Variants in NR1I2 observed in about 807,000 individuals in gnomAD.
NR1I2 encodes orphan nuclear receptor PAR1.
A neutral mutation model predicts 43.3 loss-of-function variants in NR1I2; 42 were observed. The observed-to-expected ratio is 0.97, with a 90% CI of 0.76 to 1.26. The LOEUF is 1.26. Among genes scored for constraint, NR1I2 ranks in the 50% most tolerant of loss-of-function variants. The pLI is 0.00. For synonymous variants in NR1I2, 229 were observed against 215.0 expected (o/e 1.06, Z -0.57); for missense variants, 559 against 566.7 (o/e 0.99, Z 0.14).
Position 119,812,891 on chromosome 3 carries a change from AC to A in NR1I2, c.726del (p.His242GlnfsTer35). 1.2e-6 allele frequency: 2 copies of A among 1,614,108 alleles called. No individual in the cohort carries two copies. The highest frequency in any genetic ancestry group is 1.7e-6 in the Non-Finnish European group (2 of 1,180,034). Reference sequence around the variant, plus strand: ...AAAGAGATCTTCTCCCTGCTGCCCCACATGGCTGACATGTCAACCTACATGT... The same window carrying A: ...AAAGAGATCTTCTCCCTGCTGCCCCAATGGCTGACATGTCAACCTACATGT... On this transcript the variant is annotated frameshift_variant, in exon 5 of 9. Coordinates refer to ENST00000393716, the MANE Select transcript of NR1I2 (RefSeq NM_003889.4). LOFTEE classifies it high-confidence loss of function.
intron 5 of NR1I2, 55 bp from the exon 6 acceptor site, chr3:119,814,924 G>C: frequency 6.2e-7 from 1 of 1,611,584 alleles, no homozygotes; most frequent in Non-Finnish European, 8.5e-7. Flanking sequence ...TGCTGGTGCC[G>C]GTCTGTGGGC....
intron 1 of NR1I2, among the ~76,000 whole-genome samples, chr3:119,803,332 T>TC (rs1469281356): frequency 1.4e-5 from 2 of 138,614 alleles, no homozygotes; most frequent in East Asian, 4.2e-4. Flanking sequence ...TTTCTTTCTT[T>TC]TTTTTTTCTG....
At chr3:119,789,458 G>A (rs1386866212) in intron 1 of NR1I2, among the ~76,000 whole-genome samples, 2 of 152,112 alleles carry the variant, frequency 1.3e-5, no homozygotes, top group African/African-American at 4.8e-5. Flanking sequence ...AGCGAAAGGG[G>A]TTTCCCCTTA....
chr3:119,788,020 T>C (rs1412562479), intron 1 of NR1I2, among the ~76,000 whole-genome samples: 1 of 152,172 alleles, frequency 6.6e-6, no homozygotes, highest in Non-Finnish European at 1.5e-5. Context: ...TTTGACTCAT[T>C]TGAAGACTAA....
At chr3:119,799,457 A>T (rs1212244971) in intron 1 of NR1I2, among the ~76,000 whole-genome samples, 1 of 152,182 alleles carries the variant, frequency 6.6e-6, no homozygotes, top group Non-Finnish European at 1.5e-5. Context: ...TGTGATTTTT[A>T]AAATATTTTC....
At chr3:119,789,043 G>C (rs1246335091) in intron 1 of NR1I2, among the ~76,000 whole-genome samples, 1 of 152,188 alleles carries the variant, frequency 6.6e-6, no homozygotes, top group Non-Finnish European at 1.5e-5. Flanking sequence ...TGATCTGTAT[G>C]TACTTGAAAG....
At chr3:119,794,206 G>GT (rs370438711) in intron 1 of NR1I2, among the ~76,000 whole-genome samples, 39 of 149,878 alleles carry the variant, frequency 2.6e-4, no homozygotes, top group East Asian at 2.4e-3. Flanking sequence ...TTTTTGGGGT[G>GT]TTTTTTTTTG....
intron 2 of NR1I2, 28 bp from the exon 3 acceptor site, chr3:119,810,033 C>G: frequency 6.2e-7 from 1 of 1,613,514 alleles, no homozygotes. Flanking sequence ...CCCGTGCATC[C>G]CCCCTTCTGC....
At chr3:119,812,087 A>G (rs772917434) in intron 4 of NR1I2, among the ~76,000 whole-genome samples, 5 of 152,178 alleles carry the variant, frequency 3.3e-5, no homozygotes, top group Non-Finnish European at 5.9e-5. Flanking sequence ...GGTCTAAGCA[A>G]TAAGTGGAGG....
chr3:119,812,775 G>C lies in NR1I2; in HGVS notation c.609G>C (p.Arg203=), dbSNP rs2055262640. The C allele has an allele frequency of 6.2e-7, 1 of 1,614,102 alleles. No homozygotes were observed. Among genetic ancestry groups the C allele is most frequent in the African/African-American group, 1.3e-5 (1 of 74,944 alleles). Residue 203 remains arginine, a synonymous_variant, in exon 5 of 9, where the codon CGG becomes CGC. Transcript: ENST00000393716. Reference sequence around the variant, plus strand: ...AAGCTGCCAAGTGGAGCCAGGTCCGGAAAGATCTGTGCTCTTTGAAGGTCT... The same window carrying C: ...AAGCTGCCAAGTGGAGCCAGGTCCGCAAAGATCTGTGCTCTTTGAAGGTCT...
chr3:119,783,565 A>G (rs2054806812), intron 1 of NR1I2, among the ~76,000 whole-genome samples: 1 of 152,230 alleles, frequency 6.6e-6, no homozygotes, highest in Non-Finnish European at 1.5e-5. Flanking sequence ...ACTTGTTCCA[A>G]AATTATTATG....
intron 1 of NR1I2, chr3:119,782,919 G>T: frequency 7.6e-7 from 1 of 1,316,322 alleles, no homozygotes; most frequent in Admixed American, 1.7e-5. Context: ...GCCTGCATGT[G>T]GTCAGTGCCA....
Position 119,813,059 on chromosome 3 carries a change from G to T in NR1I2, c.794+99G>T, listed in dbSNP as rs183497664. Reference sequence around the variant, plus strand: ...TAGATCCTGAATTTGGGGGATATTGGTGTCAGAAGACCCTCCTTTTCCTGT... The same window carrying T: ...TAGATCCTGAATTTGGGGGATATTGTTGTCAGAAGACCCTCCTTTTCCTGT... On this transcript the variant is annotated intron_variant, in intron 5 of 8. Coordinates refer to ENST00000393716, the MANE Select transcript of NR1I2 (RefSeq NM_003889.4). The T allele has an allele frequency of 3.8e-6, 5 of 1,324,876 alleles. No homozygotes were observed. In the African/African-American group the frequency reaches 7.2e-5, roughly 19 times the overall value. 82.1% of individuals were successfully genotyped at this position (1,324,876 alleles called of 1,614,324 possible). A position where few individuals can be genotyped will look rare whatever the true frequency, so the allele number is the denominator to read the frequency against.
At chr3:119,809,238 G>A (rs1195744603) in intron 2 of NR1I2, among the ~76,000 whole-genome samples, 3 of 152,134 alleles carry the variant, frequency 2.0e-5, no homozygotes, top group Non-Finnish European at 4.4e-5. Context: ...GGACTGCACT[G>A]ACCGTGTCTT....
chr3:119,798,424 A>G (rs1207543396), intron 1 of NR1I2, among the ~76,000 whole-genome samples: 2 of 152,206 alleles, frequency 1.3e-5, no homozygotes, highest in East Asian at 3.8e-4. Flanking sequence ...TATGTATCAT[A>G]AAGTCTAATC....
At position 119,815,741 on chromosome 3, in the gene NR1I2, T is replaced by C. The variant is rs1441667815; in HGVS notation, c.1070T>C (p.Leu357Pro). The C allele has an allele frequency of 5.0e-6, 8 of 1,613,526 alleles. No homozygotes were observed. The highest frequency in any genetic ancestry group is 4.4e-5 in the South Asian group (4 of 90,816). ...TCCCCTCCAGACCGCCCAGGTGTGCTGCAGCACCGCGTGGTGGACCAGCTG... is the reference window on the plus strand; with the variant it reads ...TCCCCTCCAGACCGCCCAGGTGTGCCGCAGCACCGCGTGGTGGACCAGCTG... Residue 357 changes from leucine (L) to proline (P), a missense_variant, in exon 8 of 9, where the codon CTG becomes CCG. Around this residue, in one of 3 missense-constraint regions of NR1I2, gnomAD observed 323 missense variants for 312.2 expected, o/e 1.03. Coordinates refer to ENST00000393716, the MANE Select transcript of NR1I2 (RefSeq NM_003889.4).
intron 1 of NR1I2, chr3:119,792,317 T>C (rs768277381): frequency 1.4e-6 from 2 of 1,435,738 alleles, no homozygotes; most frequent in South Asian, 1.2e-5. Flanking sequence ...TCATCCTGGA[T>C]GATGTGTCTT....
chr3:119,801,519 C>T (rs2055081353), intron 1 of NR1I2, among the ~76,000 whole-genome samples: 1 of 152,254 alleles, frequency 6.6e-6, no homozygotes, highest in Non-Finnish European at 1.5e-5. Flanking sequence ...TGTAAAGGAA[C>T]AGTGATGGAA....
chr3:119,790,770 A>G lies in NR1I2; in HGVS notation c.-23+8470A>G, dbSNP rs528678024. On this transcript the variant is annotated intron_variant, in intron 1 of 8. Coordinates refer to ENST00000393716, the MANE Select transcript of NR1I2 (RefSeq NM_003889.4). ...TCTGTGTAATTTTCCAAACCACACA[A>G]CTTCTTGGAAGGCATGTTTAAGTGT... 5.9e-5 allele frequency among the ~76,000 whole-genome samples: 9 copies of G among 152,344 alleles called. No homozygotes were observed. The South Asian group carries it at 1.5e-3, about 25-fold the overall frequency.
Sources: gnomAD v4.1 joint callset for allele counts (sites outside exome capture counted in the v4.1 genomes callset) on GRCh38, gnomAD v4.1.1 for gene constraint, gnomAD v4.1.1 regional missense constraint, MANE v1.5 for transcripts, NCBI Gene and HGNC (gene_info 2026-07-23, HGNC 2026-07-21) for gene names.